The following HMGB1 variants were observed in gnomAD, a reference collection of about 807,000 sequenced individuals.
HMGB1 encodes high mobility group protein B1.
For missense variants in HMGB1, 79 were observed against 253.5 expected (o/e 0.31, Z 4.67); for synonymous variants, 81 against 84.0 (o/e 0.96, Z 0.19).
At chr13:30,573,203 A>G (rs575464820) in intron 1 of HMGB1, among the ~76,000 whole-genome samples, 1 of 152,318 alleles carries the variant, frequency 6.6e-6, no homozygotes, top group East Asian at 1.9e-4. Flanking sequence ...TCCAAATGGC[A>G]GCAGAAACGT....
chr13:30,579,015 A>C (rs889587537), intron 1 of HMGB1, among the ~76,000 whole-genome samples: 2 of 152,222 alleles, frequency 1.3e-5, no homozygotes, highest in African/African-American at 4.8e-5. Flanking sequence ...AGGACTTACC[A>C]CAAGTTATTA....
rs560323588 is a variant in HMGB1, at chr13:30,609,424, T to C, written c.-15+7247A>G. On this transcript the variant is annotated intron_variant, in intron 1 of 4. Transcript: ENST00000405805. ...GCAGTTTTAACAAGTTCCCAATATA[T>C]AGTTGACCCCTGAACAATGCAGGTT... is the stretch of plus-strand genomic sequence containing the variant. Among the ~76,000 whole-genome samples, 24 of 152,308 alleles carry C rather than the reference T, an allele frequency of 1.6e-4. No homozygotes were observed. The South Asian group carries it at 4.6e-3, about 29-fold the overall frequency.
rs139005802 is a variant in HMGB1, at chr13:30,530,175, C to T, written c.-14-66481G>A. Among the ~76,000 whole-genome samples the T allele has an allele frequency of 7.3e-3, 1,109 of 152,308 alleles. 12 individuals are homozygous for T. The highest frequency in any genetic ancestry group is 0.021 in the African/African-American group (888 of 41,568). On this transcript the variant is annotated intron_variant, in intron 1 of 4. Transcript: ENST00000405805. ...CCAAAATTTTCTAAAATTTCTAAAACACCTGACTTCTTGTGATGGGTCACA... is the reference window on the plus strand; with the variant it reads ...CCAAAATTTTCTAAAATTTCTAAAATACCTGACTTCTTGTGATGGGTCACA...
intron 1 of HMGB1, among the ~76,000 whole-genome samples, chr13:30,562,125 T>C (rs1240969606): frequency 6.6e-6 from 1 of 152,012 alleles, no homozygotes; most frequent in Non-Finnish European, 1.5e-5. Context: ...AGTTCATGAC[T>C]GGCCTGGTCA....
chr13:30,483,630 T>TC (rs945050191), intron 1 of HMGB1, among the ~76,000 whole-genome samples: 14 of 151,218 alleles, frequency 9.3e-5, no homozygotes, highest in Non-Finnish European at 1.6e-4. Flanking sequence ...TTTTTTTTTT[T>TC]TTGAGTCAGG....
At chr13:30,524,700 AAAT>A (rs71093076) in intron 1 of HMGB1, among the ~76,000 whole-genome samples, 24 of 13,878 alleles carry the variant, frequency 1.7e-3, no homozygotes, top group African/African-American at 2.6e-3. Context: ...AAAATAAAAT[AAAT>A]AATAATAATA....
At chr13:30,550,010 C>T (rs1222311662) in intron 1 of HMGB1, among the ~76,000 whole-genome samples, 1 of 151,906 alleles carries the variant, frequency 6.6e-6, no homozygotes, top group African/African-American at 2.4e-5. Context: ...AGCCACCACA[C>T]CTGGCCACAA....
At chr13:30,615,712 C>T (rs761207097) in intron 1 of HMGB1, among the ~76,000 whole-genome samples, 18 of 152,020 alleles carry the variant, frequency 1.2e-4, no homozygotes, top group South Asian at 2.1e-4. Context: ...TTTTATATCC[C>T]AGGTTTGGGC....
chr13:30,475,686 A>G (rs1457755490), intron 1 of HMGB1, among the ~76,000 whole-genome samples: 1 of 152,196 alleles, frequency 6.6e-6, no homozygotes, highest in Non-Finnish European at 1.5e-5. Flanking sequence ...CCTGGGCAAC[A>G]GAGAGAGACC....
At chr13:30,557,543 G>A (rs1023677544) in intron 1 of HMGB1, among the ~76,000 whole-genome samples, 1 of 152,166 alleles carries the variant, frequency 6.6e-6, no homozygotes, top group Non-Finnish European at 1.5e-5. Flanking sequence ...TCCAATAAAT[G>A]TTGACCTAAG....
chr13:30,496,117 G>T (rs1263936563), intron 1 of HMGB1, among the ~76,000 whole-genome samples: 6 of 152,146 alleles, frequency 3.9e-5, no homozygotes, highest in Non-Finnish European at 7.4e-5. Context: ...GGTTTTTTAA[G>T]AAATACATTT....
At chr13:30,586,474 T>G (rs1313292905) in intron 1 of HMGB1, among the ~76,000 whole-genome samples, 1 of 89,976 alleles carries the variant, frequency 1.1e-5, no homozygotes, top group Non-Finnish European at 2.0e-5. Flanking sequence ...TCACTGGTTT[T>G]TTTTGTTTTT....
At chr13:30,537,983 C>T (rs139609597) in intron 1 of HMGB1, among the ~76,000 whole-genome samples, 98 of 151,978 alleles carry the variant, frequency 6.4e-4, no homozygotes, top group African/African-American at 2.3e-3. Context: ...ACAGTTATAC[C>T]CAAACTTTCT....
At chr13:30,467,974 C>G (rs370672022), upstream of HMGB1, among the ~76,000 whole-genome samples, 1 of 152,192 alleles carries the variant, frequency 6.6e-6, no homozygotes, top group Non-Finnish European at 1.5e-5. Flanking sequence ...GTAATAGGCA[C>G]TGGAATTGAA....
chr13:30,491,991 AC>A (rs1887505524), intron 1 of HMGB1, among the ~76,000 whole-genome samples: 1 of 152,008 alleles, frequency 6.6e-6, no homozygotes, highest in Non-Finnish European at 1.5e-5. Context: ...ACAAGGTGAA[AC>A]CCCATTTCTA....
intron 1 of HMGB1, among the ~76,000 whole-genome samples, chr13:30,587,541 G>T (rs964098488): frequency 6.6e-6 from 1 of 152,152 alleles, no homozygotes; most frequent in Non-Finnish European, 1.5e-5. Flanking sequence ...GACTAGTGGG[G>T]TCCTTAACCA....
chr13:30,461,950 T>C (rs568689132), intron 4 of HMGB1, among the ~76,000 whole-genome samples: 1 of 152,324 alleles, frequency 6.6e-6, no homozygotes, highest in Admixed American at 6.5e-5. Context: ...AAAGGTAATT[T>C]GTCAATAAAC....
chr13:30,568,336 C>T (rs767232504), intron 1 of HMGB1, among the ~76,000 whole-genome samples: 7 of 152,078 alleles, frequency 4.6e-5, no homozygotes, highest in South Asian at 2.1e-4. Flanking sequence ...TTGAGACCCC[C>T]GTCTCTATAA....
chr13:30,616,108 G>T (rs2137581480), intron 1 of HMGB1, among the ~76,000 whole-genome samples: 1 of 152,140 alleles, frequency 6.6e-6, no homozygotes, highest in Non-Finnish European at 1.5e-5. Flanking sequence ...AAACGAAAGG[G>T]GTTTTCTAGT....
Sources: gnomAD v4.1 joint callset for allele counts (sites outside exome capture counted in the v4.1 genomes callset) on GRCh38, gnomAD v4.1.1 for gene constraint, MANE v1.5 for transcripts, NCBI Gene and HGNC (gene_info 2026-07-23, HGNC 2026-07-21) for gene names.